ICA1: variants seen among roughly 807,000 people sequenced by gnomAD.
The protein encoded by ICA1 is islet cell autoantigen 1.
A neutral mutation model predicts 71.0 loss-of-function variants in ICA1; 40 were observed. That is an observed-to-expected ratio of 0.56 (90% confidence interval 0.44 to 0.73). The LOEUF is 0.73. Ranked by LOEUF, ICA1 falls within the 30% of genes least tolerant of loss-of-function variation. The pLI is 0.00. For synonymous variants in ICA1, 207 were observed against 209.5 expected, an observed-to-expected ratio of 0.99 and a Z score of 0.10; for missense variants, 578 against 576.5, an observed-to-expected ratio of 1.00 and a Z score of -0.03.
chr7:8,129,751 G>A lies in ICA1; in HGVS notation c.1061-1609C>T, dbSNP rs534496231. Reference sequence around the variant, plus strand: ...AAGTTTTAGGGTAAATGTGCACAACGTGCAGGTTTGTTACATATGTATACA... The same window carrying A: ...AAGTTTTAGGGTAAATGTGCACAACATGCAGGTTTGTTACATATGTATACA... On this transcript the variant is annotated intron_variant, in intron 12 of 13. Transcript: ENST00000402384. Among the ~76,000 whole-genome samples, 64 of 152,056 alleles carry A rather than the reference G, an allele frequency of 4.2e-4. No homozygotes were observed. In the South Asian group the frequency reaches 6.9e-3, roughly 16 times the overall value.
intron 1 of ICA1, among the ~76,000 whole-genome samples, chr7:8,246,559 T>C (rs773077398): frequency 8.5e-5 from 13 of 152,152 alleles, no homozygotes; most frequent in Non-Finnish European, 1.8e-4. Flanking sequence ...GACTGCACCT[T>C]GATGGGGTTA....
chr7:8,186,398 G>C (rs1229073332), intron 6 of ICA1, among the ~76,000 whole-genome samples: 1 of 152,182 alleles, frequency 6.6e-6, no homozygotes, highest in African/African-American at 2.4e-5. Context: ...TAGGGAAGGA[G>C]AGTGGGCTGG....
At chr7:8,117,253 A>C (rs1228219611) in intron 13 of ICA1, among the ~76,000 whole-genome samples, 1 of 152,184 alleles carries the variant, frequency 6.6e-6, no homozygotes, top group Non-Finnish European at 1.5e-5. Flanking sequence ...AGTCTTGGGC[A>C]GTTCTTTATA....
At chr7:8,256,324 T>C (rs1329982367) in intron 1 of ICA1, among the ~76,000 whole-genome samples, 1 of 152,124 alleles carries the variant, frequency 6.6e-6, no homozygotes, top group East Asian at 1.9e-4. Flanking sequence ...CCAAACATTT[T>C]TTGAAAAAAC....
intron 12 of ICA1, among the ~76,000 whole-genome samples, chr7:8,135,024 G>T (rs933749402): frequency 1.6e-5 from 1 of 62,580 alleles, no homozygotes; most frequent in African/African-American, 5.8e-5. Flanking sequence ...ACTCTTTATA[G>T]AATTTTTTTT....
At chr7:8,208,821 T>C (rs978812410) in intron 6 of ICA1, among the ~76,000 whole-genome samples, 2 of 152,156 alleles carry the variant, frequency 1.3e-5, no homozygotes, top group Non-Finnish European at 2.9e-5. Context: ...TCACAGGCAC[T>C]ATACATCCCT....
At chr7:8,260,905 G>A (rs1394033474) in intron 1 of ICA1, among the ~76,000 whole-genome samples, 1 of 152,152 alleles carries the variant, frequency 6.6e-6, no homozygotes, top group Non-Finnish European at 1.5e-5. Context: ...TCAAACCAGA[G>A]GGCCACAGAA....
intron 6 of ICA1, among the ~76,000 whole-genome samples, chr7:8,174,702 G>T (rs1004041588): frequency 6.9e-6 from 1 of 144,386 alleles, no homozygotes; most frequent in Admixed American, 7.6e-5. Flanking sequence ...GGCTGAGGCG[G>T]GAGGATCACT....
At chr7:8,150,688 A>G (rs2128158607) in intron 8 of ICA1, among the ~76,000 whole-genome samples, 1 of 152,380 alleles carries the variant, frequency 6.6e-6, no homozygotes, top group East Asian at 1.9e-4. Context: ...CCCAAACTCT[A>G]AAAGAAGAGC....
chr7:8,156,865 G>T, intron 8 of ICA1: 2 of 1,513,028 alleles, frequency 1.3e-6, no homozygotes, highest in Non-Finnish European at 1.8e-6. Context: ...GTATCTCAAG[G>T]TTCAAGGTTC....
intron 6 of ICA1, among the ~76,000 whole-genome samples, chr7:8,203,281 C>G (rs1164577653): frequency 6.6e-6 from 1 of 152,040 alleles, no homozygotes; most frequent in Non-Finnish European, 1.5e-5. Context: ...AGTAGAGTTC[C>G]TGGGAAATCC....
intron 6 of ICA1, among the ~76,000 whole-genome samples, chr7:8,182,931 G>A (rs1301520634): frequency 2.0e-5 from 3 of 152,180 alleles, no homozygotes; most frequent in Non-Finnish European, 4.4e-5. Context: ...CATCACTAGT[G>A]TCTGCAGGGC....
rs1201742484 is a variant in ICA1 at position 8,255,835 on chromosome 7, C to T, written c.-80+6259G>A. ...TGTTGCCCAGGCTGGAGTGCAGTGG[C>T]ACAATCATGACTCACTGCAGCCCTG... On this transcript the variant is annotated intron_variant, in intron 1 of 13. Transcript: ENST00000402384. Among the ~76,000 whole-genome samples the T allele has an allele frequency of 2.8e-5, 4 of 141,380 alleles. No homozygotes were observed. The East Asian group carries it at 8.2e-4, about 29-fold the overall frequency. 92.8% of individuals were successfully genotyped at this position (141,380 alleles called of 152,430 possible).
intron 6 of ICA1, among the ~76,000 whole-genome samples, chr7:8,197,580 T>A (rs1402279982): frequency 3.8e-5 from 2 of 52,020 alleles, no homozygotes; most frequent in African/African-American, 7.3e-5. Context: ...GAAGAAATAA[T>A]AATAATAATA....
chr7:8,232,930 T>C (rs921709231), intron 2 of ICA1, among the ~76,000 whole-genome samples, 175 bp from the exon 3 acceptor site: 1 of 152,262 alleles, frequency 6.6e-6, no homozygotes, highest in Non-Finnish European at 1.5e-5. Flanking sequence ...ATCAACTCTT[T>C]CTGACTCAAA....
intron 1 of ICA1, among the ~76,000 whole-genome samples, chr7:8,258,091 G>A (rs1388518461): frequency 6.6e-6 from 1 of 152,116 alleles, no homozygotes; most frequent in Admixed American, 6.5e-5. Context: ...CCTTTCTCCT[G>A]TTGGGGTGGG....
intron 4 of ICA1, 38 bp from the exon 5 acceptor site, chr7:8,221,436 A>C: frequency 6.2e-7 from 1 of 1,609,940 alleles, no homozygotes. Flanking sequence ...ATGAACAATG[A>C]GCATTTTGAT....
At chr7:8,141,841 T>A in intron 9 of ICA1, 24 bp from the exon 10 acceptor site, 1 of 1,491,626 alleles carries the variant, frequency 6.7e-7, no homozygotes, top group Non-Finnish European at 9.3e-7. Flanking sequence ...AGAGGTTTAG[T>A]CATCAACTTC....
chr7:8,194,202 A>T (rs960517549), intron 6 of ICA1, among the ~76,000 whole-genome samples: 1 of 152,132 alleles, frequency 6.6e-6, no homozygotes, highest in East Asian at 1.9e-4. Context: ...ACACATATAC[A>T]CATGTGTGTG....
Sources: allele counts gnomAD v4.1 joint callset (sites outside exome capture counted in the v4.1 genomes callset), GRCh38; gene constraint gnomAD v4.1.1; transcripts MANE v1.5; gene names NCBI Gene and HGNC (gene_info 2026-07-23, HGNC 2026-07-21).